Variants in CSRNP3 observed in about 807,000 individuals in gnomAD.
CSRNP3 encodes the protein cysteine/serine-rich nuclear protein 3.
CSRNP3 carries 12 observed loss-of-function variants against 48.0 expected under a neutral mutation model. The ratio of observed to expected loss-of-function variants is 0.25; its 90% CI spans 0.16 to 0.41. The LOEUF is 0.41. CSRNP3 is among the 10% of genes least tolerant of loss of function. CSRNP3 has a pLI of 1.00. For synonymous variants in CSRNP3, 263 were observed against 269.7 expected, an observed-to-expected ratio of 0.98 and a Z score of 0.24; for missense variants, 580 against 724.4, an observed-to-expected ratio of 0.80 and a Z score of 2.29.
intron 4 of CSRNP3, among the ~76,000 whole-genome samples, chr2:165,609,401 A>G (rs996573626): frequency 8.7e-4 from 117 of 134,806 alleles, no homozygotes; most frequent in Admixed American, 1.4e-3. Context: ...GGAGCTGGCA[A>G]TGGGCCGAGA....
In CSRNP3 at chr2:165,679,151, G is replaced by C; in HGVS notation, c.1156G>C (p.Asp386His). The change falls in exon 7 of 7, where the codon GAT (aspartate) becomes CAT (histidine). Residue 386 changes from aspartate to histidine, a missense_variant. This residue lies in a region of CSRNP3 where 369 missense variants were observed against 380.8 expected (regional missense o/e 0.97). Coordinates refer to ENST00000651982, the MANE Select transcript of CSRNP3 (RefSeq NM_001172173.2). ...EEEEEEEEDD[D>H]DDKGDGFVEG... is the part of the protein sequence containing the mutation. The stretch of plus-strand genomic sequence containing the variant: ...AGAGGAAGAGGAGGAGGAGGATGAC[G>C]ATGATGACAAAGGAGATGGCTTCGT... 6.2e-7 allele frequency: 1 copy of C among 1,613,816 alleles called. No homozygotes were observed. Among genetic ancestry groups the C allele is most frequent in the East Asian group, 2.2e-5 (1 of 44,792 alleles).
chr2:165,574,880 T>C (rs1484842782), intron 3 of CSRNP3, among the ~76,000 whole-genome samples: 1 of 152,162 alleles, frequency 6.6e-6, no homozygotes, highest in African/African-American at 2.4e-5. Flanking sequence ...ATAAGGACAA[T>C]TTTAATAAGT....
At chr2:165,489,892 C>G (rs1684178253) in intron 1 of CSRNP3, among the ~76,000 whole-genome samples, 1 of 144,978 alleles carries the variant, frequency 6.9e-6, no homozygotes, top group Admixed American at 7.0e-5. Context: ...TGGCACAAGA[C>G]AGGGATGCCC....
At chr2:165,567,090 A>C (rs546213990) in intron 3 of CSRNP3, 5 of 152,204 alleles carry the variant, frequency 3.3e-5, no homozygotes, top group African/African-American at 7.2e-5. Context: ...TGGTGCAACC[A>C]ATAATAGGAT....
At chr2:165,605,088 T>C (rs944428704) in intron 4 of CSRNP3, among the ~76,000 whole-genome samples, 2 of 152,170 alleles carry the variant, frequency 1.3e-5, no homozygotes, top group Non-Finnish European at 2.9e-5. Context: ...CCCTCTCTGC[T>C]TCCTCTCTTG....
chr2:165,636,324 G>A (rs1686627212), intron 4 of CSRNP3, among the ~76,000 whole-genome samples: 1 of 152,176 alleles, frequency 6.6e-6, no homozygotes, highest in South Asian at 2.1e-4. Flanking sequence ...ATAATTGGAT[G>A]AATGAATGGA....
chr2:165,515,197 C>T (rs746600214), intron 2 of CSRNP3, among the ~76,000 whole-genome samples: 3 of 151,656 alleles, frequency 2.0e-5, no homozygotes, highest in South Asian at 2.1e-4. Context: ...TGCTGGTGCA[C>T]GCCTGTAGTC....
chr2:165,593,389 C>T (rs1036794983), intron 3 of CSRNP3, among the ~76,000 whole-genome samples: 4 of 152,146 alleles, frequency 2.6e-5, no homozygotes, highest in African/African-American at 9.7e-5. Flanking sequence ...TGGGGCTTCA[C>T]AAAGTAAAGA....
At chr2:165,588,707 C>A (rs1405406143) in intron 3 of CSRNP3, among the ~76,000 whole-genome samples, 1 of 152,152 alleles carries the variant, frequency 6.6e-6, no homozygotes, top group Non-Finnish European at 1.5e-5. Flanking sequence ...GCAATCCCAG[C>A]ACTCTGGGGG....
At chr2:165,587,896 G>T (rs1397666224) in intron 3 of CSRNP3, among the ~76,000 whole-genome samples, 1 of 152,122 alleles carries the variant, frequency 6.6e-6, no homozygotes, top group African/African-American at 2.4e-5. Flanking sequence ...GGAGCTTTCA[G>T]TCTAGCAGAA....
intron 5 of CSRNP3, among the ~76,000 whole-genome samples, chr2:165,658,856 A>G (rs1264760144): frequency 6.6e-6 from 1 of 152,116 alleles, no homozygotes; most frequent in Non-Finnish European, 1.5e-5. Flanking sequence ...CCCTGCCACA[A>G]CACATGGGAA....
At chr2:165,606,651 G>A (rs1161228378) in intron 4 of CSRNP3, among the ~76,000 whole-genome samples, 6 of 152,100 alleles carry the variant, frequency 3.9e-5, no homozygotes, top group East Asian at 3.9e-4. Flanking sequence ...AAGTGAAAAC[G>A]TGGAATAATT....
At chr2:165,608,081 A>T (rs931125216) in intron 4 of CSRNP3, among the ~76,000 whole-genome samples, 29 of 150,546 alleles carry the variant, frequency 1.9e-4, no homozygotes, top group Non-Finnish European at 3.4e-4. Flanking sequence ...GTATATATAT[A>T]TTATATATAT....
intron 3 of CSRNP3, among the ~76,000 whole-genome samples, chr2:165,545,670 G>A (rs932078576): frequency 1.3e-5 from 2 of 152,048 alleles, no homozygotes; most frequent in Non-Finnish European, 2.9e-5. Flanking sequence ...TGTGTACCTG[G>A]TGCCTAGGAT....
chr2:165,605,192 A>G lies in CSRNP3; in HGVS notation c.148+9979A>G, dbSNP rs1007718961. 8.5e-5 allele frequency among the ~76,000 whole-genome samples: 13 copies of G among 152,054 alleles called. 1 individual carries two copies. Among genetic ancestry groups the G allele is most frequent in the African/African-American group, 3.1e-4 (13 of 41,424 alleles). On this transcript the variant is annotated intron_variant, in intron 4 of 6. Transcript: ENST00000651982. ...TGAACTCATTACTGTGGCTTCCAGAATCCTGTACTCCCTTCCTATGCTTGA... is the reference window on the plus strand; with the variant it reads ...TGAACTCATTACTGTGGCTTCCAGAGTCCTGTACTCCCTTCCTATGCTTGA...
At chr2:165,625,764 C>G (rs1278600407) in intron 4 of CSRNP3, among the ~76,000 whole-genome samples, 1 of 150,776 alleles carries the variant, frequency 6.6e-6, no homozygotes, top group Non-Finnish European at 1.5e-5. Context: ...AAAACCCTGT[C>G]TCTACTAAAA....
intron 4 of CSRNP3, among the ~76,000 whole-genome samples, chr2:165,630,933 G>T (rs1427055775): frequency 6.6e-6 from 1 of 152,112 alleles, no homozygotes; most frequent in Non-Finnish European, 1.5e-5. Context: ...ACCCCAGGGA[G>T]GCTAATTATT....
At chr2:165,611,224 A>G (rs1686130525) in intron 4 of CSRNP3, among the ~76,000 whole-genome samples, 1 of 152,130 alleles carries the variant, frequency 6.6e-6, no homozygotes, top group Non-Finnish European at 1.5e-5. Flanking sequence ...AGCAAGGGGA[A>G]GTATTGCAGA....
At chr2:165,605,982 A>G (rs1422144727) in intron 4 of CSRNP3, among the ~76,000 whole-genome samples, 2 of 152,128 alleles carry the variant, frequency 1.3e-5, no homozygotes, top group Non-Finnish European at 2.9e-5. Flanking sequence ...GTGACGGAGG[A>G]GACATTGCAA....
Sources: allele counts gnomAD v4.1 joint callset (sites outside exome capture counted in the v4.1 genomes callset), GRCh38; gene constraint gnomAD v4.1.1; regional missense constraint gnomAD v4.1.1; transcripts MANE v1.5; gene names NCBI Gene and HGNC (gene_info 2026-07-23, HGNC 2026-07-21).